The following SCRG1 variants were observed in gnomAD, a reference collection of about 807,000 sequenced individuals.
The protein encoded by SCRG1 is stimulator of chondrogenesis 1, also known as scrapie-responsive protein 1.
SCRG1 carries 3 observed loss-of-function variants against 7.7 expected under a neutral mutation model. The observed-to-expected ratio is 0.39, with a 90% CI of 0.18 to 1.01. The LOEUF (loss-of-function observed/expected upper bound fraction) is 1.01. Among genes scored for constraint, SCRG1 ranks in the 50% least tolerant of loss-of-function variants. The probability of loss-of-function intolerance (pLI) is 0.36; values close to 1 mark genes in which losing one functional copy is unlikely to be tolerated. For missense variants in SCRG1, 110 were observed against 117.2 expected, an observed-to-expected ratio of 0.94 and a Z score of 0.28; for synonymous variants, 46 against 41.2, an observed-to-expected ratio of 1.12 and a Z score of -0.44.
chr4:173,485,035 ATTATATATTATAT>A, the SCRG1 span, among the ~76,000 whole-genome samples: 6 of 30,062 alleles, frequency 2.0e-4, no homozygotes, highest in African/African-American at 8.1e-4. Flanking sequence ...TATATTATAT[ATTATATATTATAT>A]AATATATTAT....
At chr4:173,472,699 G>T in the SCRG1 span, among the ~76,000 whole-genome samples, 2 of 152,168 alleles carry the variant, frequency 1.3e-5, no homozygotes, top group Non-Finnish European at 2.9e-5. Flanking sequence ...GGGAGGTTTG[G>T]GTCTTTTATT....
At chr4:173,397,843 A>G (rs1739649012) in intron 1 of SCRG1, among the ~76,000 whole-genome samples, 1 of 152,254 alleles carries the variant, frequency 6.6e-6, no homozygotes, top group Admixed American at 6.5e-5. Flanking sequence ...CATGAAACAG[A>G]GTTGATGAAT....
At chr4:173,490,045 A>G in the SCRG1 span, among the ~76,000 whole-genome samples, 8 of 152,322 alleles carry the variant, frequency 5.3e-5, no homozygotes, top group East Asian at 1.5e-3. Context: ...ACAATAAAGA[A>G]AATGTCATTA....
chr4:173,494,502 C>G, the SCRG1 span, among the ~76,000 whole-genome samples: 1 of 152,234 alleles, frequency 6.6e-6, no homozygotes, highest in Non-Finnish European at 1.5e-5. Flanking sequence ...TTCACCTTTA[C>G]GCTCCACTCG....
intron 1 of SCRG1, among the ~76,000 whole-genome samples, chr4:173,394,926 G>A (rs1243282414): frequency 1.3e-5 from 2 of 152,068 alleles, no homozygotes; most frequent in Non-Finnish European, 1.5e-5. Context: ...TTATCAATGA[G>A]TTTCATATTT....
chr4:173,501,747 T>C, the SCRG1 span, among the ~76,000 whole-genome samples: 1 of 152,122 alleles, frequency 6.6e-6, no homozygotes, highest in Non-Finnish European at 1.5e-5. The surrounding 1 kb of genome is among the most constrained non-coding windows in gnomAD (Gnocchi z 5.1). Flanking sequence ...GAATTCAGGT[T>C]GTGTTTGGGC....
At chr4:173,406,178 C>T (rs1348519328) in intron 1 of SCRG1, 6 of 152,238 alleles carry the variant, frequency 3.9e-5, no homozygotes, top group Non-Finnish European at 8.8e-5. Context: ...GCAGTGGGAA[C>T]CTAACTCCTA....
At chr4:173,500,416 T>C in the SCRG1 span, among the ~76,000 whole-genome samples, 23 of 152,020 alleles carry the variant, frequency 1.5e-4, no homozygotes, top group Non-Finnish European at 1.5e-4. Flanking sequence ...GCGAAGGAGA[T>C]GCCCATTTTA....
the SCRG1 span, among the ~76,000 whole-genome samples, chr4:173,483,277 A>ATATTATATATC: frequency 9.9e-5 from 4 of 40,574 alleles, no homozygotes; most frequent in East Asian, 1.7e-3. Flanking sequence ...TATGATATAT[A>ATATTATATATC]ATATATGATA....
intron 1 of SCRG1, chr4:173,398,423 GC>G (rs1360283095): frequency 6.6e-6 from 1 of 152,158 alleles, no homozygotes; most frequent in Non-Finnish European, 1.5e-5. Context: ...ATTTGGGAGA[GC>G]TTTTCATAGC....
the SCRG1 span, among the ~76,000 whole-genome samples, chr4:173,428,484 A>G: frequency 2.6e-5 from 4 of 152,344 alleles, no homozygotes; most frequent in Admixed American, 6.5e-5. Flanking sequence ...TAGGTTATGA[A>G]GAGAGACATA....
chr4:173,433,764 G>A, the SCRG1 span, among the ~76,000 whole-genome samples: 1 of 152,250 alleles, frequency 6.6e-6, no homozygotes, highest in East Asian at 1.9e-4. Flanking sequence ...AGGAGCAGTG[G>A]ACTCCAGCTA....
the SCRG1 span, among the ~76,000 whole-genome samples, chr4:173,489,247 T>C: frequency 6.6e-6 from 1 of 152,236 alleles, no homozygotes; most frequent in Non-Finnish European, 1.5e-5. Flanking sequence ...GTGCAGTCTT[T>C]CTAAGCAATT....
the SCRG1 span, among the ~76,000 whole-genome samples, chr4:173,428,486 A>G: frequency 3.0e-3 from 463 of 152,326 alleles, 5 homozygotes; most frequent in African/African-American, 0.01. Context: ...GGTTATGAAG[A>G]GAGACATATT....
At chr4:173,407,454 G>A (rs184179398), upstream of SCRG1, among the ~76,000 whole-genome samples, 26 of 151,848 alleles carry the variant, frequency 1.7e-4, no homozygotes, top group Admixed American at 9.2e-4. Flanking sequence ...AGAATCACTT[G>A]AACTTGGGAG....
chr4:173,436,360 T>C, the SCRG1 span, among the ~76,000 whole-genome samples: 16 of 152,352 alleles, frequency 1.1e-4, no homozygotes, highest in African/African-American at 3.6e-4. Flanking sequence ...CACTTCTCTC[T>C]GAGTTATGTG....
chr4:173,451,630 C>T, the SCRG1 span, among the ~76,000 whole-genome samples: 176 of 49,978 alleles, frequency 3.5e-3, 2 homozygotes, highest in East Asian at 0.023. Context: ...ATTTTACTTA[C>T]TTATTTTATT....
At chr4:173,445,868 G>A in the SCRG1 span, among the ~76,000 whole-genome samples, 4 of 151,814 alleles carry the variant, frequency 2.6e-5, no homozygotes, top group South Asian at 4.2e-4. Flanking sequence ...GTTTCACCAT[G>A]TTGGCCAGGC....
the SCRG1 span, among the ~76,000 whole-genome samples, chr4:173,484,371 T>C: frequency 2.0e-4 from 8 of 39,752 alleles, no homozygotes; most frequent in African/African-American, 5.6e-4. Context: ...TATTATATAT[T>C]ATATATTATG....
Sources: gnomAD v4.1 joint callset for allele counts (sites outside exome capture counted in the v4.1 genomes callset) on GRCh38, gnomAD v4.1.1 for gene constraint, Gnocchi (gnomAD v3.1) non-coding constraint, MANE v1.5 for transcripts, NCBI Gene and HGNC (gene_info 2026-07-23, HGNC 2026-07-21) for gene names.